Variants in FBXL17 observed in about 807,000 individuals in gnomAD.
FBXL17 encodes the protein F-box and leucine rich repeat protein 17.
FBXL17 carries 22 observed loss-of-function variants against 66.2 expected under a neutral mutation model. The ratio of observed to expected loss-of-function variants is 0.33; its 90% CI spans 0.24 to 0.47. FBXL17 has a LOEUF of 0.47. Ranked by LOEUF, FBXL17 falls within the 20% of genes least tolerant of loss-of-function variation. FBXL17 has a pLI of 1.00. For missense variants in FBXL17, 878 were observed against 948.2 expected (o/e 0.93, Z 0.97); for synonymous variants, 474 against 400.5 (o/e 1.18, Z -2.19).
intron 6 of FBXL17, among the ~76,000 whole-genome samples, chr5:108,178,677 G>A (rs1342536655): frequency 6.6e-6 from 1 of 152,094 alleles, no homozygotes; most frequent in Non-Finnish European, 1.5e-5. Context: ...CACATTATTA[G>A]GCACCAATAA....
intron 5 of FBXL17, among the ~76,000 whole-genome samples, chr5:108,187,126 C>T (rs1753270060): frequency 6.6e-6 from 1 of 152,102 alleles, no homozygotes; most frequent in Non-Finnish European, 1.5e-5. Context: ...TCCACCTTCT[C>T]CATGTTTTCA....
At chr5:107,874,803 C>G (rs1290764307) in intron 8 of FBXL17, among the ~76,000 whole-genome samples, 1 of 152,252 alleles carries the variant, frequency 6.6e-6, no homozygotes, top group African/African-American at 2.4e-5. Context: ...GTTTCAATTA[C>G]CAGGAATAAT....
intron 7 of FBXL17, among the ~76,000 whole-genome samples, chr5:108,001,693 G>T (rs1002091059): frequency 1.3e-5 from 2 of 151,700 alleles, no homozygotes; most frequent in African/African-American, 2.4e-5. Flanking sequence ...GTAGAGACGG[G>T]GTCTCACCAT....
intron 7 of FBXL17, among the ~76,000 whole-genome samples, chr5:107,925,128 G>C (rs1057102212): frequency 1.3e-5 from 2 of 152,162 alleles, no homozygotes; most frequent in African/African-American, 4.8e-5. Context: ...TGAAAGAGCT[G>C]ATCAAATAGT....
At chr5:108,356,280 A>C (rs1478305579) in intron 3 of FBXL17, among the ~76,000 whole-genome samples, 1 of 152,156 alleles carries the variant, frequency 6.6e-6, no homozygotes, top group Non-Finnish European at 1.5e-5. Flanking sequence ...TGAATTCATT[A>C]TTATAGCTGA....
intron 7 of FBXL17, among the ~76,000 whole-genome samples, chr5:107,950,787 G>T (rs149462090): frequency 6.6e-6 from 1 of 152,124 alleles, no homozygotes; most frequent in Admixed American, 6.5e-5. Context: ...GTCTAAATCC[G>T]TTTGTCATAA....
chr5:107,911,726 T>C (rs1156839994), intron 7 of FBXL17, among the ~76,000 whole-genome samples: 1 of 152,096 alleles, frequency 6.6e-6, no homozygotes, highest in East Asian at 1.9e-4. Context: ...TAAATTCTTC[T>C]AAAAGCCAAA....
At chr5:107,965,802 A>T (rs1752106389) in intron 7 of FBXL17, among the ~76,000 whole-genome samples, 1 of 152,204 alleles carries the variant, frequency 6.6e-6, no homozygotes, top group African/African-American at 2.4e-5. Context: ...TAGTGTACAG[A>T]TACATAATTA....
At chr5:108,224,292 C>T (rs1438057001) in intron 4 of FBXL17, 64 bp from the exon 5 acceptor site, 1 of 839,446 alleles carries the variant, frequency 1.2e-6, no homozygotes, top group African/African-American at 1.7e-5. Flanking sequence ...GGATTTGGCT[C>T]CTGAAAATCC....
At chr5:108,221,941 A>T (rs976691724) in intron 5 of FBXL17, among the ~76,000 whole-genome samples, 1 of 152,188 alleles carries the variant, frequency 6.6e-6, no homozygotes, top group Non-Finnish European at 1.5e-5. Flanking sequence ...TTAGTTGTAC[A>T]CACCAGTTTT....
intron 4 of FBXL17, among the ~76,000 whole-genome samples, chr5:108,307,278 C>T (rs1049860830): frequency 3.3e-5 from 5 of 151,898 alleles, no homozygotes; most frequent in African/African-American, 1.2e-4. Flanking sequence ...AGGATGTTAA[C>T]TCTTTTGAGT....
intron 6 of FBXL17, among the ~76,000 whole-genome samples, chr5:108,084,059 A>G (rs1183468173): frequency 6.6e-6 from 1 of 152,216 alleles, no homozygotes; most frequent in Non-Finnish European, 1.5e-5. Flanking sequence ...TTTATCTTTC[A>G]TATTCTTATA....
chr5:108,344,320 T>C (rs1747103788), intron 4 of FBXL17, among the ~76,000 whole-genome samples: 1 of 152,034 alleles, frequency 6.6e-6, no homozygotes, highest in African/African-American at 2.4e-5. Context: ...ACTAGTAAAA[T>C]ATCAACTAAG....
chr5:107,861,573 G>T lies in FBXL17; in HGVS notation c.*147C>A. 3.1e-6 allele frequency: 2 copies of T among 638,696 alleles called. No individual in the cohort carries two copies. Among genetic ancestry groups the T allele is most frequent in the Non-Finnish European group, 4.5e-6 (2 of 444,736 alleles). The allele number at this position is 638,696 out of a possible 1,614,324, so 39.6% of individuals were successfully genotyped here. ...CAAATGACAACTGCACTTTTGGTAT[G>T]CAGTATGCAAACAAGACACAAATAC... On this transcript the variant is annotated 3_prime_UTR_variant, in exon 9 of 9. Coordinates refer to ENST00000542267, the MANE Select transcript of FBXL17 (RefSeq NM_001163315.3).
At chr5:108,190,459 T>C (rs1209442450) in intron 5 of FBXL17, among the ~76,000 whole-genome samples, 1 of 152,172 alleles carries the variant, frequency 6.6e-6, no homozygotes. Flanking sequence ...AACCAACCCT[T>C]ACTCATGGGA....
At chr5:107,990,380 G>A (rs1753194291) in intron 7 of FBXL17, among the ~76,000 whole-genome samples, 1 of 152,010 alleles carries the variant, frequency 6.6e-6, no homozygotes, top group Admixed American at 6.5e-5. Context: ...TTAGCTTTGG[G>A]GTAAAAGATG....
chr5:107,861,767 C>G lies in FBXL17; in HGVS notation c.2059G>C (p.Ala687Pro). ...LQDCKRTLER[A>P]YQMGWTPNMS... is the part of the protein sequence containing the mutation. Reference sequence around the variant, plus strand: ...TTGGGGGTCCAGCCCATCTGATAGGCTCTCTCCAAGGTCCTCTTGCAGTCC... The same window carrying G: ...TTGGGGGTCCAGCCCATCTGATAGGGTCTCTCCAAGGTCCTCTTGCAGTCC... The change falls in exon 9 of 9, where the codon GCC becomes CCC. Residue 687 changes from alanine to proline, a missense_variant. Around this residue, in one of 4 missense-constraint regions of FBXL17, gnomAD observed 31 missense variants for 27.0 expected, o/e 1.15. Coordinates refer to ENST00000542267, the MANE Select transcript of FBXL17 (RefSeq NM_001163315.3). 1 of 1,587,964 alleles carries G rather than the reference C, an allele frequency of 6.3e-7. No homozygotes were observed. Among genetic ancestry groups the G allele is most frequent in the Non-Finnish European group, 8.6e-7 (1 of 1,164,958 alleles).
At chr5:108,071,749 A>G (rs956945372) in intron 6 of FBXL17, among the ~76,000 whole-genome samples, 16 of 152,092 alleles carry the variant, frequency 1.1e-4, no homozygotes, top group African/African-American at 3.6e-4. Context: ...TTCATGAGTA[A>G]AGGCCAAATC....
chr5:108,236,323 C>A (rs1183446014), intron 4 of FBXL17, among the ~76,000 whole-genome samples: 1 of 151,790 alleles, frequency 6.6e-6, no homozygotes, highest in Non-Finnish European at 1.5e-5. Context: ...ACCAACCTGG[C>A]CAACATGATG....
Sources: gnomAD v4.1 joint callset for allele counts (sites outside exome capture counted in the v4.1 genomes callset) on GRCh38, gnomAD v4.1.1 for gene constraint, gnomAD v4.1.1 regional missense constraint, MANE v1.5 for transcripts, NCBI Gene and HGNC (gene_info 2026-07-23, HGNC 2026-07-21) for gene names.